Variants in ATP8A2 observed in about 807,000 individuals in gnomAD.
ATP8A2 encodes ATPase phospholipid transporting 8A2.
A neutral mutation model predicts 165.6 loss-of-function variants in ATP8A2; 100 were observed. The observed-to-expected ratio is 0.60, with a 90% CI of 0.51 to 0.71. ATP8A2 has a LOEUF of 0.71. Ranked by LOEUF, ATP8A2 falls within the 30% of genes least tolerant of loss-of-function variation. ATP8A2 has a pLI of 0.00. For synonymous variants in ATP8A2, 543 were observed against 548.8 expected (o/e 0.99, Z 0.15); for missense variants, 1,227 against 1,479.5 (o/e 0.83, Z 2.80).
At chr13:25,613,360 G>A (rs2040738698) in intron 24 of ATP8A2, among the ~76,000 whole-genome samples, 1 of 152,078 alleles carries the variant, frequency 6.6e-6, no homozygotes, top group Non-Finnish European at 1.5e-5. Context: ...AGGCAGGCGG[G>A]GTCAAGAGAT....
At chr13:25,485,611 A>G (rs1469034059) in intron 2 of ATP8A2, among the ~76,000 whole-genome samples, 1 of 152,204 alleles carries the variant, frequency 6.6e-6, no homozygotes, top group African/African-American at 2.4e-5. Flanking sequence ...CTTCCTCTGC[A>G]TCGAGGCTTC....
chr13:25,492,482 C>A (rs1016530107), intron 2 of ATP8A2, among the ~76,000 whole-genome samples: 1 of 152,136 alleles, frequency 6.6e-6, no homozygotes, highest in African/African-American at 2.4e-5. Context: ...AAAAAAAATT[C>A]TCTTGGTGTG....
At chr13:25,524,001 A>T (rs2037754594) in intron 2 of ATP8A2, among the ~76,000 whole-genome samples, 1 of 152,092 alleles carries the variant, frequency 6.6e-6, no homozygotes, top group Non-Finnish European at 1.5e-5. Flanking sequence ...TTATTACTGC[A>T]AACTTCCCCT....
intron 2 of ATP8A2, among the ~76,000 whole-genome samples, chr13:25,481,860 C>T (rs1030313337): frequency 2.9e-4 from 44 of 152,258 alleles, no homozygotes; most frequent in Admixed American, 2.2e-3. Context: ...CTAATAAGGG[C>T]ACTAATCCCA....
chr13:25,793,199 G>A (rs2045227080), intron 27 of ATP8A2, among the ~76,000 whole-genome samples: 1 of 152,128 alleles, frequency 6.6e-6, no homozygotes, highest in Non-Finnish European at 1.5e-5. Context: ...GTTAATATTT[G>A]AAACTGTCTT....
chr13:25,667,532 C>T (rs1022971102), intron 24 of ATP8A2, among the ~76,000 whole-genome samples: 4 of 152,172 alleles, frequency 2.6e-5, no homozygotes, highest in Non-Finnish European at 5.9e-5. Context: ...CTTTGACCTT[C>T]TTTCCCACTC....
chr13:25,474,995 T>C (rs2035953346), intron 2 of ATP8A2, among the ~76,000 whole-genome samples: 1 of 152,080 alleles, frequency 6.6e-6, no homozygotes, highest in Non-Finnish European at 1.5e-5. Context: ...AATTTTTGTA[T>C]TTTTAGTAGA....
chr13:25,586,275 G>C (rs970016083), intron 23 of ATP8A2, among the ~76,000 whole-genome samples: 1 of 152,192 alleles, frequency 6.6e-6, no homozygotes, highest in African/African-American at 2.4e-5. Context: ...AGTCTTCCTG[G>C]ATGAGAGGAG....
rs200976906 is a variant in ATP8A2, at chr13:25,391,008, A to G, written c.76+18720A>G. Reference sequence around the variant, plus strand: ...GATTACTGAGTTGTGTTCTATTATTATAGGGATGGACTGCAGTTTGTTCAT... The same window carrying G: ...GATTACTGAGTTGTGTTCTATTATTGTAGGGATGGACTGCAGTTTGTTCAT... On this transcript the variant is annotated intron_variant, in intron 1 of 36. Transcript: ENST00000381655. 3.3e-5 allele frequency among the ~76,000 whole-genome samples: 5 copies of G among 152,022 alleles called. No individual in the cohort carries two copies. The East Asian group carries it at 9.7e-4, about 29-fold the overall frequency.
intron 33 of ATP8A2, among the ~76,000 whole-genome samples, chr13:25,928,649 G>A (rs1026157963): frequency 2.6e-5 from 4 of 152,154 alleles, no homozygotes; most frequent in South Asian, 4.2e-4. Flanking sequence ...TGGTAACTCC[G>A]TGGATTACCC....
chr13:25,526,828 C>T (rs1262633818), intron 2 of ATP8A2, among the ~76,000 whole-genome samples: 2 of 152,200 alleles, frequency 1.3e-5, no homozygotes, highest in Non-Finnish European at 2.9e-5. Flanking sequence ...AAGCACTCCC[C>T]ATGCTTCCTG....
chr13:25,817,249 T>G (rs563840820), intron 27 of ATP8A2, among the ~76,000 whole-genome samples: 1 of 152,106 alleles, frequency 6.6e-6, no homozygotes, highest in South Asian at 2.1e-4. Flanking sequence ...ACGAAGTCCT[T>G]GACACAATTT....
At chr13:25,626,474 T>C (rs563378280) in intron 24 of ATP8A2, among the ~76,000 whole-genome samples, 1 of 152,272 alleles carries the variant, frequency 6.6e-6, no homozygotes, top group African/African-American at 2.4e-5. Flanking sequence ...CCTAATTACC[T>C]CCTGAAGCCT....
At chr13:25,557,279 T>C (rs1323897449) in intron 13 of ATP8A2, among the ~76,000 whole-genome samples, 1 of 152,210 alleles carries the variant, frequency 6.6e-6, no homozygotes. Flanking sequence ...TCCCATTGCC[T>C]TTGGGGCTCT....
chr13:25,517,906 A>G (rs1404813661), intron 2 of ATP8A2, among the ~76,000 whole-genome samples: 1 of 152,216 alleles, frequency 6.6e-6, no homozygotes, highest in Non-Finnish European at 1.5e-5. Flanking sequence ...GACAGGCTCT[A>G]TTTATCAGTG....
In ATP8A2 at chr13:25,513,410, A is replaced by C. The variant is rs577936406; in HGVS notation, c.222-16589A>C. On this transcript the variant is annotated intron_variant, in intron 2 of 36. Transcript: ENST00000381655. ...CTTCCTAGATGGGATGGCGGCCGGG[A>C]AGAGGCGCTCCTCACTTCCTAGATG... Among the ~76,000 whole-genome samples, 686 of 136,910 alleles carry C rather than the reference A, an allele frequency of 5.0e-3. 2 individuals carry two copies. The highest frequency in any genetic ancestry group is 0.01 in the African/African-American group (391 of 37,904). 89.8% of individuals were successfully genotyped at this position (136,910 alleles called of 152,430 possible).
intron 2 of ATP8A2, among the ~76,000 whole-genome samples, chr13:25,488,997 A>AT (rs2036436697): frequency 6.6e-6 from 1 of 150,656 alleles, no homozygotes; most frequent in African/African-American, 2.4e-5. Flanking sequence ...AGGACGCTTG[A>AT]TGGGGTGGGT....
intron 1 of ATP8A2, among the ~76,000 whole-genome samples, chr13:25,374,637 C>CCT: frequency 6.6e-6 from 1 of 152,166 alleles, no homozygotes; most frequent in South Asian, 2.1e-4. Context: ...CAGGAATAGT[C>CCT]AGAGGGGTCG....
At chr13:25,680,645 A>G (rs1460015406) in intron 24 of ATP8A2, among the ~76,000 whole-genome samples, 4 of 152,176 alleles carry the variant, frequency 2.6e-5, no homozygotes, top group African/African-American at 9.7e-5. Context: ...AGAGTGAAGA[A>G]AACAGAAGGG....
Sources: allele counts gnomAD v4.1 joint callset (sites outside exome capture counted in the v4.1 genomes callset), GRCh38; gene constraint gnomAD v4.1.1; transcripts MANE v1.5; gene names NCBI Gene and HGNC (gene_info 2026-07-23, HGNC 2026-07-21).